Variants in CAPRIN1 observed in about 807,000 individuals in gnomAD.
CAPRIN1 encodes the protein cell cycle associated protein 1.
In CAPRIN1, 29 loss-of-function variants were observed where a neutral mutation model predicts 100.9. The ratio of observed to expected loss-of-function variants is 0.29; its 90% CI spans 0.21 to 0.39. The LOEUF is 0.39. Among genes scored for constraint, CAPRIN1 ranks in the 10% least tolerant of loss-of-function variants. CAPRIN1 has a pLI of 1.00. For missense variants in CAPRIN1, 795 were observed against 876.7 expected, an observed-to-expected ratio of 0.91 and a Z score of 1.18; for synonymous variants, 338 against 307.5, an observed-to-expected ratio of 1.10 and a Z score of -1.04.
At chr11:34,097,119 C>G in intron 16 of CAPRIN1, 77 bp from the exon 17 acceptor site, 2 of 961,984 alleles carry the variant, frequency 2.1e-6, no homozygotes, top group Admixed American at 1.8e-5. Context: ...TCTAGTTCTT[C>G]CCGTCTTCAT....
intron 11 of CAPRIN1, 57 bp from the exon 12 acceptor site, chr11:34,089,338 C>T (rs953307300): frequency 4.5e-5 from 32 of 708,376 alleles, no homozygotes; most frequent in African/African-American, 2.3e-4. Context: ...GGTATTTAGA[C>T]GCGTCTCTCT....
chr11:34,096,438 G>A (rs1404334966), intron 15 of CAPRIN1, 41 bp from the exon 16 acceptor site: 1 of 1,464,326 alleles, frequency 6.8e-7, no homozygotes. Flanking sequence ...AAACGGTAAT[G>A]AGCTGTTTAT....
intron 2 of CAPRIN1, among the ~76,000 whole-genome samples, chr11:34,071,200 A>G (rs1850798629): frequency 6.6e-6 from 1 of 152,224 alleles, no homozygotes; most frequent in African/African-American, 2.4e-5. Flanking sequence ...AGAATGAATA[A>G]TGTTGTGCCA....
intron 4 of CAPRIN1, among the ~76,000 whole-genome samples, chr11:34,073,996 T>C (rs558676385): frequency 6.6e-6 from 1 of 152,004 alleles, no homozygotes; most frequent in Non-Finnish European, 1.5e-5. Context: ...CAAGAGAGAG[T>C]GATCATACTC....
At chr11:34,099,219 C>A in intron 18 of CAPRIN1, 84 bp from the exon 19 acceptor site, 2 of 1,558,412 alleles carry the variant, frequency 1.3e-6, no homozygotes, top group Non-Finnish European at 1.8e-6. Flanking sequence ...TGCCCACATG[C>A]TTCTTGACTT....
intron 9 of CAPRIN1, 88 bp from the exon 10 acceptor site, chr11:34,085,976 T>A (rs60700110): frequency 0.086 from 87,295 of 1,014,130 alleles, 4,283 homozygotes; most frequent in African/African-American, 0.15. Flanking sequence ...TATAGATGGT[T>A]TATGTAGTGT....
rs1030216984 is a variant in CAPRIN1, at chr11:34,063,979, G to A, written c.217-7747G>A. Among the ~76,000 whole-genome samples the A allele has an allele frequency of 3.9e-5, 6 of 152,208 alleles. No individual in the cohort carries two copies. In the East Asian group the frequency reaches 5.8e-4, roughly 15 times the overall value. ...GACGGGGTTTCTCCATGTTGGTCAGGCTGGTCTTGAACTCCTGACCTCAGG... is the reference window on the plus strand; with the variant it reads ...GACGGGGTTTCTCCATGTTGGTCAGACTGGTCTTGAACTCCTGACCTCAGG... On this transcript the variant is annotated intron_variant, in intron 2 of 18. Coordinates refer to ENST00000341394, the MANE Select transcript of CAPRIN1 (RefSeq NM_005898.5).
intron 7 of CAPRIN1, among the ~76,000 whole-genome samples, chr11:34,081,613 C>T (rs956144832): frequency 1.3e-5 from 2 of 152,066 alleles, no homozygotes; most frequent in African/African-American, 4.8e-5. Flanking sequence ...CCTGCTTTAG[C>T]CTCTCGAGTA....
At chr11:34,064,225 G>T (rs1850640596) in intron 2 of CAPRIN1, among the ~76,000 whole-genome samples, 1 of 151,868 alleles carries the variant, frequency 6.6e-6, no homozygotes, top group African/African-American at 2.4e-5. Context: ...AGCTGTGTCT[G>T]TCTGGAGCCC....
intron 6 of CAPRIN1, 80 bp downstream of exon 6, chr11:34,076,722 G>T: frequency 3.1e-6 from 3 of 972,532 alleles, no homozygotes; most frequent in Non-Finnish European, 4.7e-6. Context: ...AGTTCACTTG[G>T]AAGAAAAAAA....
At position 34,096,565 on chromosome 11, in the gene CAPRIN1, C is replaced by G. The variant is rs755906905; in HGVS notation, c.1792C>G (p.Pro598Ala). Residue 598 changes from proline (P) to alanine (A), a missense_variant, in exon 16 of 19, where the codon CCA becomes GCA. Pro to Ala is a conservative substitution (Grantham distance 27). Around this residue, in one of 3 missense-constraint regions of CAPRIN1, gnomAD observed 648 missense variants for 697.9 expected, o/e 0.93. Coordinates refer to ENST00000341394, the MANE Select transcript of CAPRIN1 (RefSeq NM_005898.5). The stretch of plus-strand genomic sequence containing the variant: ...GCCTCCTCAGCAGAACACTGGATTT[C>G]CACGTAGCAATCAGCCCTATTACAA... ...QQPPQQNTGF[P>A]RSNQPYYNSR... The G allele has an allele frequency of 6.2e-7, 1 of 1,613,962 alleles. No individual in the cohort carries two copies.
At chr11:34,091,655 T>G in intron 14 of CAPRIN1, 1 of 293,040 alleles carries the variant, frequency 3.4e-6, no homozygotes, top group Non-Finnish European at 6.2e-6. Flanking sequence ...TTGCATGTCT[T>G]TTTATTTTTT....
At chr11:34,098,045 A>G (rs1156669941) in intron 18 of CAPRIN1, 2 of 1,104,828 alleles carry the variant, frequency 1.8e-6, no homozygotes, top group African/African-American at 3.2e-5. Context: ...CAGGTCCTAA[A>G]ACCTGCTAAA....
intron 2 of CAPRIN1, among the ~76,000 whole-genome samples, chr11:34,057,138 A>G (rs569646937): frequency 8.5e-5 from 13 of 152,190 alleles, no homozygotes; most frequent in Non-Finnish European, 1.6e-4. Flanking sequence ...CCTTGAGGCT[A>G]TTACCTGAAG....
At chr11:34,052,826 G>A (rs887774729) in intron 2 of CAPRIN1, 190 bp downstream of exon 2, 2 of 1,449,104 alleles carry the variant, frequency 1.4e-6, no homozygotes. Context: ...CGGGCTCTTG[G>A]AAGAGGCACT....
At chr11:34,069,231 C>T (rs1850763217) in intron 2 of CAPRIN1, among the ~76,000 whole-genome samples, 2 of 150,320 alleles carry the variant, frequency 1.3e-5, no homozygotes, top group Admixed American at 6.6e-5. Flanking sequence ...CTCTCTGCAA[C>T]CTCTGCCTCC....
intron 9 of CAPRIN1, 45 bp downstream of exon 9, chr11:34,083,086 T>C: frequency 7.7e-7 from 1 of 1,294,208 alleles, no homozygotes; most frequent in Non-Finnish European, 1.1e-6. Context: ...TGTCTTCAGT[T>C]AGTAATTTTT....
intron 9 of CAPRIN1, among the ~76,000 whole-genome samples, chr11:34,084,715 T>C (rs1226356363): frequency 1.3e-5 from 2 of 152,232 alleles, no homozygotes; most frequent in African/African-American, 2.4e-5. Flanking sequence ...ACTAAGTCGA[T>C]GGGATGTATG....
At chr11:34,090,345 A>AC in intron 13 of CAPRIN1, 56 bp downstream of exon 13, 1 of 1,291,492 alleles carries the variant, frequency 7.7e-7, no homozygotes, top group Non-Finnish European at 1.1e-6. Context: ...CATGAATTGA[A>AC]CAGATGTACA....
Sources: gnomAD v4.1 joint callset for allele counts (sites outside exome capture counted in the v4.1 genomes callset) on GRCh38, gnomAD v4.1.1 for gene constraint, gnomAD v4.1.1 regional missense constraint, MANE v1.5 for transcripts, NCBI Gene and HGNC (gene_info 2026-07-23, HGNC 2026-07-21) for gene names.